The following DIAPH2 variants were observed in gnomAD, a reference collection of about 807,000 sequenced individuals.
DIAPH2 encodes the protein diaphanous related formin 2.
A neutral mutation model predicts 92.7 loss-of-function variants in DIAPH2; 35 were observed. That is an observed-to-expected ratio of 0.38 (90% CI 0.29 to 0.50). The LOEUF is 0.50. Ranked by LOEUF, DIAPH2 falls within the 20% of genes least tolerant of loss-of-function variation. The pLI, the probability that DIAPH2 is intolerant of heterozygous loss-of-function variation, is 0.94. For missense variants in DIAPH2, 701 were observed against 819.5 expected (o/e 0.86, Z 1.77); for synonymous variants, 301 against 280.4 (o/e 1.07, Z -0.73).
intron 23 of DIAPH2, among the ~76,000 whole-genome samples, chrX:97,330,500 A>G (rs953303548): frequency 6.4e-5 from 7 of 108,670 alleles, no homozygotes; most frequent in African/African-American, 2.3e-4. Flanking sequence ...ATATGACAAG[A>G]TGTGTTTCTT....
At chrX:96,702,877 TAC>T (rs2063863309) in intron 1 of DIAPH2, among the ~76,000 whole-genome samples, 1 of 111,326 alleles carries the variant, frequency 9.0e-6, no homozygotes, top group Non-Finnish European at 1.9e-5. Flanking sequence ...TTGTGAGTTT[TAC>T]AGAGTCACTA....
At chrX:97,092,168 T>C (rs988925788) in intron 19 of DIAPH2, among the ~76,000 whole-genome samples, 12 of 112,212 alleles carry the variant, frequency 1.1e-4, no homozygotes, top group African/African-American at 3.9e-4. Flanking sequence ...TTATTTTTTT[T>C]CCCATTGGGG....
rs190725228 is a variant in DIAPH2, at chrX:96,995,597, C to A, written c.2050+30390C>A. Among the ~76,000 whole-genome samples, 97 of 111,062 alleles carry A rather than the reference C, an allele frequency of 8.7e-4. 1 individual carries two copies. Among genetic ancestry groups the A allele is most frequent in the African/African-American group, 3.1e-3 (94 of 30,604 alleles). ...TGGCAAATTTTATTAATATATAATA[C>A]CTTACAGCAGTACACACATCACAGT... is the stretch of plus-strand genomic sequence containing the variant. On this transcript the variant is annotated intron_variant, in intron 17 of 26. Transcript: ENST00000324765.
At chrX:96,994,886 C>T (rs958774695) in intron 17 of DIAPH2, among the ~76,000 whole-genome samples, 1 of 111,102 alleles carries the variant, frequency 9.0e-6, no homozygotes, top group Non-Finnish European at 1.9e-5. Flanking sequence ...TCTCAGTTGA[C>T]ACGTGGGGAT....
intron 26 of DIAPH2, among the ~76,000 whole-genome samples, chrX:97,515,243 G>T (rs1184246829): frequency 1.8e-5 from 2 of 112,634 alleles, no homozygotes; most frequent in African/African-American, 3.2e-5. Context: ...TCGGAAAAGC[G>T]CAGTATTCGG....
chrX:97,211,666 G>C (rs919173398), intron 22 of DIAPH2, among the ~76,000 whole-genome samples: 2 of 111,546 alleles, frequency 1.8e-5, no homozygotes, highest in African/African-American at 6.5e-5. Context: ...TAGAACATGA[G>C]TTCCACCCCT....
At chrX:96,823,393 A>G (rs556673789) in intron 4 of DIAPH2, among the ~76,000 whole-genome samples, 8 of 111,443 alleles carry the variant, frequency 7.2e-5, no homozygotes, top group African/African-American at 2.3e-4. Flanking sequence ...CTATATAATT[A>G]TATGGGAGAT....
At chrX:96,918,700 C>T (rs992916087) in intron 9 of DIAPH2, 83 bp downstream of exon 9, 2 of 674,436 alleles carry the variant, frequency 3.0e-6, no homozygotes, top group South Asian at 3.0e-5. Context: ...TTTTAGCTGG[C>T]ATTTAAGTAG....
At chrX:97,240,156 T>A (rs2147538795) in intron 22 of DIAPH2, among the ~76,000 whole-genome samples, 1 of 111,437 alleles carries the variant, frequency 9.0e-6, no homozygotes, top group African/African-American at 3.3e-5. Flanking sequence ...GCATGGGTTT[T>A]AATTTCCAGA....
intron 4 of DIAPH2, among the ~76,000 whole-genome samples, chrX:96,822,457 T>TA (rs1216792507): frequency 8.9e-6 from 1 of 111,981 alleles, no homozygotes; most frequent in Non-Finnish European, 1.9e-5. Flanking sequence ...TGGATGCCTT[T>TA]AAGCATACGT....
chrX:97,478,176 G>A (rs2070624844), intron 26 of DIAPH2, among the ~76,000 whole-genome samples: 3 of 111,643 alleles, frequency 2.7e-5, no homozygotes, highest in South Asian at 3.7e-4. Context: ...TTGTGTAATC[G>A]TCCCCATAGA....
intron 4 of DIAPH2, among the ~76,000 whole-genome samples, chrX:96,841,840 C>T (rs986234506): frequency 2.7e-5 from 3 of 111,452 alleles, no homozygotes; most frequent in Non-Finnish European, 5.6e-5. Flanking sequence ...GGGCTGAATC[C>T]GAAAAGAGAG....
At chrX:96,856,019 A>T (rs1259941418) in intron 4 of DIAPH2, among the ~76,000 whole-genome samples, 2 of 112,304 alleles carry the variant, frequency 1.8e-5, no homozygotes, top group East Asian at 5.5e-4. Flanking sequence ...AAGGAATATG[A>T]CAGCCAGCAA....
intron 24 of DIAPH2, among the ~76,000 whole-genome samples, chrX:97,374,173 A>T (rs776485372): frequency 1.8e-5 from 2 of 111,403 alleles, no homozygotes; most frequent in Non-Finnish European, 3.8e-5. Context: ...GGGACAGGGA[A>T]GTATAGTCTA....
intron 25 of DIAPH2, among the ~76,000 whole-genome samples, chrX:97,385,569 T>C (rs1159892268): frequency 9.0e-6 from 1 of 111,383 alleles, no homozygotes; most frequent in Non-Finnish European, 1.9e-5. Flanking sequence ...ACCATCTCTA[T>C]GAGGTAGGTA....
intron 4 of DIAPH2, among the ~76,000 whole-genome samples, chrX:96,857,936 A>AT (rs1437406876): frequency 8.9e-6 from 1 of 112,414 alleles, no homozygotes; most frequent in Non-Finnish European, 1.9e-5. Flanking sequence ...AGCTATAAGT[A>AT]TTTTTTATCC....
chrX:96,901,873 C>G (rs1028745270), intron 5 of DIAPH2, among the ~76,000 whole-genome samples: 1 of 110,858 alleles, frequency 9.0e-6, no homozygotes, highest in African/African-American at 3.3e-5. Context: ...TGAGGTGTGA[C>G]ATTAGGTTGT....
chrX:96,883,083 C>T (rs1371067258), intron 5 of DIAPH2, among the ~76,000 whole-genome samples: 1 of 108,829 alleles, frequency 9.2e-6, no homozygotes, highest in Admixed American at 9.9e-5. Flanking sequence ...GTGATTTTAT[C>T]CATGTTTTTC....
At chrX:97,025,995 C>A (rs1362676385) in intron 17 of DIAPH2, among the ~76,000 whole-genome samples, 1 of 111,791 alleles carries the variant, frequency 8.9e-6, no homozygotes, top group Non-Finnish European at 1.9e-5. Context: ...TCCAAACAGA[C>A]CCTGATTCAT....
Sources: gnomAD v4.1 joint callset for allele counts (sites outside exome capture counted in the v4.1 genomes callset) on GRCh38, gnomAD v4.1.1 for gene constraint, MANE v1.5 for transcripts, NCBI Gene and HGNC (gene_info 2026-07-23, HGNC 2026-07-21) for gene names.